PVT1: variants seen among roughly 807,000 people sequenced by gnomAD.
PVT1 encodes the protein Pvt1 oncogene.
intron 3 of PVT1, among the ~76,000 whole-genome samples, chr8:127,942,989 G>A (rs1415970640): frequency 6.6e-6 from 1 of 152,246 alleles, no homozygotes; most frequent in Non-Finnish European, 1.5e-5. Context: ...TCCTCTCCAA[G>A]TTGAGTGACC....
At position 127,872,524 on chromosome 8, in the gene PVT1, T is replaced by G. The variant is rs117237683; in HGVS notation, n.373-18065T>G. 2.3e-3 allele frequency among the ~76,000 whole-genome samples: 347 copies of G among 152,342 alleles called. 9 individuals are homozygous for G. In the East Asian group the frequency reaches 0.051, roughly 22 times the overall value. ...TTACCCTGAAGGGATTATTATGCAT[T>G]GTGTGCCTCTATCAAAATATCTCAT... On this transcript the variant is annotated intron_variant and non_coding_transcript_variant, in intron 2 of 10. Coordinates refer to ENST00000651587, the Ensembl canonical transcript of PVT1.
intron 5 of PVT1, among the ~76,000 whole-genome samples, chr8:128,084,371 C>G (rs185462509): frequency 5.2e-4 from 79 of 152,300 alleles, no homozygotes; most frequent in Admixed American, 1.6e-3. Flanking sequence ...GGAACACTCT[C>G]TCTTCCTTGC....
chr8:127,947,737 A>G (rs1482309611), intron 3 of PVT1: 1 of 456,552 alleles, frequency 2.2e-6, no homozygotes, highest in East Asian at 6.9e-5. Flanking sequence ...GGAAGACTGA[A>G]GAAAAGGCGA....
chr8:128,084,290 C>G (rs562928506), intron 5 of PVT1, among the ~76,000 whole-genome samples: 73 of 152,302 alleles, frequency 4.8e-4, no homozygotes, highest in Non-Finnish European at 8.8e-4. Context: ...CACTGGCCTC[C>G]TTGCTGTGGG....
intron 2 of PVT1, among the ~76,000 whole-genome samples, chr8:127,828,444 T>C (rs968307725): frequency 6.6e-6 from 1 of 152,222 alleles, no homozygotes; most frequent in African/African-American, 2.4e-5. Flanking sequence ...TGAAGCTTAG[T>C]GGCCTCTCCT....
At chr8:128,056,857 G>A (rs741460) in intron 4 of PVT1, among the ~76,000 whole-genome samples, 1 of 151,984 alleles carries the variant, frequency 6.6e-6, no homozygotes, top group African/African-American at 2.4e-5. Context: ...GCCCATGCTT[G>A]CCCCAGCAGT....
intron 2 of PVT1, among the ~76,000 whole-genome samples, chr8:127,872,144 G>A (rs1815358050): frequency 6.6e-6 from 1 of 151,838 alleles, no homozygotes; most frequent in Non-Finnish European, 1.5e-5. Context: ...GCCGGGTGTG[G>A]TGGCTCATGC....
At chr8:127,874,925 T>TGG (rs1815388992) in intron 2 of PVT1, among the ~76,000 whole-genome samples, 1 of 150,328 alleles carries the variant, frequency 6.7e-6, no homozygotes, top group Non-Finnish European at 1.5e-5. Flanking sequence ...TGTGTGTGTG[T>TGG]GTGTGTGTGT....
chr8:127,864,926 C>T (rs998937688), intron 2 of PVT1, among the ~76,000 whole-genome samples: 3 of 152,152 alleles, frequency 2.0e-5, no homozygotes, highest in Non-Finnish European at 4.4e-5. Flanking sequence ...TACCAAAGCA[C>T]CAGATGGAGG....
chr8:128,095,302 G>A (rs1247724513), intron 5 of PVT1, among the ~76,000 whole-genome samples: 1 of 152,148 alleles, frequency 6.6e-6, no homozygotes, highest in Non-Finnish European at 1.5e-5. Context: ...GGGTGAGGGT[G>A]GGGTGTTGGC....
chr8:127,806,920 C>T (rs539116442), intron 2 of PVT1, among the ~76,000 whole-genome samples: 1 of 152,276 alleles, frequency 6.6e-6, no homozygotes, highest in East Asian at 1.9e-4. Context: ...TATGGATATA[C>T]CACTGTTTGT....
At chr8:127,910,507 A>G (rs1815881171) in intron 3 of PVT1, among the ~76,000 whole-genome samples, 1 of 152,184 alleles carries the variant, frequency 6.6e-6, no homozygotes, top group South Asian at 2.1e-4. Context: ...TCTTTTCTTT[A>G]TGGCCTTTCC....
chr8:127,945,398 C>T (rs1816408058), intron 3 of PVT1, among the ~76,000 whole-genome samples: 1 of 152,214 alleles, frequency 6.6e-6, no homozygotes, highest in African/African-American at 2.4e-5. Flanking sequence ...TACACTCCCA[C>T]TGACTGTACA....
chr8:127,997,198 C>T (rs756798840), intron 4 of PVT1, among the ~76,000 whole-genome samples: 11 of 151,944 alleles, frequency 7.2e-5, no homozygotes, highest in East Asian at 1.9e-4. Context: ...TGCGCCACCA[C>T]GTCCGGCTAA....
intron 2 of PVT1, among the ~76,000 whole-genome samples, chr8:127,827,879 C>T (rs961004468): frequency 2.6e-5 from 4 of 152,058 alleles, no homozygotes; most frequent in African/African-American, 9.7e-5. Context: ...GCCCCTGTGC[C>T]GTATTTCCCT....
intron 4 of PVT1, among the ~76,000 whole-genome samples, chr8:128,068,082 G>A (rs960001619): frequency 2.6e-5 from 4 of 151,644 alleles, no homozygotes; most frequent in African/African-American, 9.7e-5. Context: ...TGTCTGCTTG[G>A]CCTCTTGCCC....
intron 3 of PVT1, among the ~76,000 whole-genome samples, chr8:127,971,660 C>A (rs1311183086): frequency 6.6e-6 from 1 of 152,180 alleles, no homozygotes; most frequent in Non-Finnish European, 1.5e-5. Context: ...TCTGCTATGA[C>A]CTTGGACAAG....
intron 4 of PVT1, among the ~76,000 whole-genome samples, chr8:128,042,181 G>A (rs1274740136): frequency 6.6e-6 from 1 of 152,196 alleles, no homozygotes; most frequent in Non-Finnish European, 1.5e-5. Context: ...AAAATGGTTG[G>A]TGTGAATAAT....
intron 3 of PVT1, among the ~76,000 whole-genome samples, chr8:127,929,696 A>T (rs1816179531): frequency 1.3e-5 from 2 of 151,792 alleles, no homozygotes; most frequent in South Asian, 2.1e-4. Context: ...TGAACCCGGG[A>T]GGCGGAGCTT....
Sources: gnomAD v4.1 joint callset for allele counts (sites outside exome capture counted in the v4.1 genomes callset) on GRCh38, gnomAD v4.1.1 for gene constraint, MANE v1.5 for transcripts, NCBI Gene and HGNC (gene_info 2026-07-23, HGNC 2026-07-21) for gene names.